The following NBEA variants were observed in gnomAD, a reference collection of about 807,000 sequenced individuals.
NBEA encodes lysosomal-trafficking regulator 2.
A neutral mutation model predicts 343.4 loss-of-function variants in NBEA; 44 were observed. The observed-to-expected ratio is 0.13, with a 90% CI of 0.10 to 0.16. The LOEUF (loss-of-function observed/expected upper bound fraction) is 0.16, where lower values mean the gene tolerates loss of function less well. Ranked by LOEUF, NBEA falls within the 10% of genes least tolerant of loss-of-function variation. The pLI is 1.00. For missense variants in NBEA, 2,555 were observed against 3,631.3 expected (o/e 0.70, Z 7.62); for synonymous variants, 1,175 against 1,238.7 (o/e 0.95, Z 1.08).
intron 31 of NBEA, among the ~76,000 whole-genome samples, chr13:35,206,107 G>C (rs116907121): frequency 6.6e-6 from 1 of 151,918 alleles, no homozygotes; most frequent in Admixed American, 6.6e-5. Context: ...TTTTTAGTAG[G>C]CATTTAACCT....
intron 40 of NBEA, among the ~76,000 whole-genome samples, chr13:35,457,205 A>T (rs2046627769): frequency 6.6e-6 from 1 of 152,104 alleles, no homozygotes; most frequent in African/African-American, 2.4e-5. Context: ...CTTATGAAAT[A>T]TTCACTGGCC....
intron 1 of NBEA, among the ~76,000 whole-genome samples, chr13:34,963,714 CG>C (rs1404803162): frequency 2.0e-5 from 3 of 151,348 alleles, no homozygotes; most frequent in African/African-American, 7.3e-5. Flanking sequence ...TTCCCCCCCC[CG>C]ATATATTTTT....
chr13:35,649,808 A>G lies in NBEA; in HGVS notation c.7924A>G (p.Ser2642Gly). The G allele has an allele frequency of 6.2e-7, 1 of 1,614,040 alleles. No individual in the cohort carries two copies. The highest frequency in any genetic ancestry group is 8.5e-7 in the Non-Finnish European group (1 of 1,179,900). Residue 2642 changes from serine (S) to glycine (G), a missense_variant, in exon 52 of 59, where the codon AGC becomes GGC. Physicochemically the swap from Ser to Gly is moderately conservative, Grantham distance 56 (BLOSUM62 0). This residue lies in a region of NBEA where 61 missense variants were observed against 132.1 expected (regional missense o/e 0.46). Transcript: ENST00000379939. ...TIPAVVTVTCSRLFAVNRWHN... is the reference protein window; with the variant it reads ...TIPAVVTVTCGRLFAVNRWHN... ...CCCCGCAGTGGTGACAGTGACTTGC[A>G]GCCGACTCTTTGCAGTGAATAGATG...
chr13:34,950,643 T>C (rs2059322870), intron 1 of NBEA, among the ~76,000 whole-genome samples: 1 of 151,812 alleles, frequency 6.6e-6, no homozygotes, highest in African/African-American at 2.4e-5. Context: ...TATTAAATAT[T>C]ACAGGACGAA....
At chr13:34,943,516 C>A (rs532838349) in intron 1 of NBEA, among the ~76,000 whole-genome samples, 18 of 152,268 alleles carry the variant, frequency 1.2e-4, no homozygotes, top group African/African-American at 4.3e-4. Context: ...AGGATGACAG[C>A]CTTGCCCCTG....
At chr13:35,098,215 G>A in intron 10 of NBEA, 82 bp from the exon 11 acceptor site, 2 of 887,506 alleles carry the variant, frequency 2.3e-6, no homozygotes, top group South Asian at 1.6e-5. Flanking sequence ...GTTATCTTTT[G>A]GCATAATAAA....
rs541088497 is a variant in NBEA at position 35,352,235 on chromosome 13, C to T, written c.6091C>T (p.Arg2031Ter). 2 of 1,569,612 alleles carry T rather than the reference C, an allele frequency of 1.3e-6. No individual in the cohort carries two copies. The highest frequency in any genetic ancestry group is 1.2e-5 in the South Asian group (1 of 84,690). Reference sequence around the variant, plus strand: ...CCATCTTATCAGTGCTGCTAAACATCGAGATCATGTAACAGCAAATCAGCT... The same window carrying T: ...CCATCTTATCAGTGCTGCTAAACATTGAGATCATGTAACAGCAAATCAGCT... The part of the protein sequence containing the change: ...CDHLISAAKH[R>*]DHVTANQLKQ... Residue 2031 changes from arginine (R) to a stop codon, truncating the protein, a stop_gained, in exon 38 of 59, where the codon CGA becomes TGA. Transcript: ENST00000379939. LOFTEE classifies it high-confidence loss of function.
At chr13:35,543,454 T>C (rs1363440746) in intron 41 of NBEA, among the ~76,000 whole-genome samples, 1 of 152,220 alleles carries the variant, frequency 6.6e-6, no homozygotes, top group African/African-American at 2.4e-5. Flanking sequence ...TATCTCTCAA[T>C]TGACAGCCCA....
chr13:35,449,716 G>A (rs554139496), intron 39 of NBEA, among the ~76,000 whole-genome samples: 23 of 152,306 alleles, frequency 1.5e-4, no homozygotes, highest in Non-Finnish European at 2.5e-4. Flanking sequence ...GAAGCATTCA[G>A]TGATCTATCC....
chr13:35,042,293 A>G (rs896744408), intron 2 of NBEA, among the ~76,000 whole-genome samples: 44 of 151,956 alleles, frequency 2.9e-4, no homozygotes, highest in Middle Eastern at 6.8e-3. Context: ...CTGATGGCTA[A>G]CTTGATGAAA....
At chr13:35,573,688 G>C (rs981278020) in intron 45 of NBEA, among the ~76,000 whole-genome samples, 2 of 152,128 alleles carry the variant, frequency 1.3e-5, no homozygotes, top group African/African-American at 2.4e-5. Context: ...AAATCCTATA[G>C]AGCCTGTTTT....
At chr13:35,188,598 T>C (rs931328608) in intron 30 of NBEA, among the ~76,000 whole-genome samples, 1 of 152,148 alleles carries the variant, frequency 6.6e-6, no homozygotes, top group Non-Finnish European at 1.5e-5. Context: ...AGTGTTCCAT[T>C]GTGTATATAC....
intron 13 of NBEA, among the ~76,000 whole-genome samples, chr13:35,112,782 T>C (rs1478091893): frequency 6.6e-6 from 1 of 152,142 alleles, no homozygotes; most frequent in Non-Finnish European, 1.5e-5. Context: ...CCTACAGATA[T>C]ATACACATTT....
chr13:35,076,483 T>G (rs543352556), intron 10 of NBEA, among the ~76,000 whole-genome samples: 3 of 152,084 alleles, frequency 2.0e-5, no homozygotes, highest in Non-Finnish European at 2.9e-5. Flanking sequence ...AATTTTCAAA[T>G]AGCTTTTTCT....
chr13:35,023,611 C>CAAAT (rs144886326), intron 1 of NBEA, among the ~76,000 whole-genome samples: 6,502 of 151,922 alleles, frequency 0.043, 242 homozygotes, highest in African/African-American at 0.097. Context: ...TTTAGAGAGA[C>CAAAT]AAAAGTACGT....
At chr13:35,529,415 G>T (rs1165467874) in intron 41 of NBEA, among the ~76,000 whole-genome samples, 1 of 152,174 alleles carries the variant, frequency 6.6e-6, no homozygotes, top group Admixed American at 6.5e-5. Context: ...TACACATGGA[G>T]CATTGTGTTT....
intron 41 of NBEA, among the ~76,000 whole-genome samples, chr13:35,480,505 C>T (rs2076080686): frequency 6.6e-6 from 1 of 152,002 alleles, no homozygotes; most frequent in African/African-American, 2.4e-5. Flanking sequence ...TATCTGCTAG[C>T]TGCTAGTCTA....
chr13:35,427,888 G>T (rs1423841309), intron 38 of NBEA, among the ~76,000 whole-genome samples: 1 of 152,188 alleles, frequency 6.6e-6, no homozygotes, highest in East Asian at 1.9e-4. Context: ...TCAGACTGCT[G>T]TGCTAGCAAT....
intron 39 of NBEA, among the ~76,000 whole-genome samples, chr13:35,433,103 C>T (rs1398126261): frequency 6.6e-6 from 1 of 151,852 alleles, no homozygotes; most frequent in Non-Finnish European, 1.5e-5. Flanking sequence ...AGAACTATAC[C>T]CTAAATTGTT....
Sources: gnomAD v4.1 joint callset for allele counts (sites outside exome capture counted in the v4.1 genomes callset) on GRCh38, gnomAD v4.1.1 for gene constraint, gnomAD v4.1.1 regional missense constraint, MANE v1.5 for transcripts, NCBI Gene and HGNC (gene_info 2026-07-23, HGNC 2026-07-21) for gene names.